ADGB: variants seen among roughly 807,000 people sequenced by gnomAD.
ADGB encodes calpain-7-like protein.
Under a neutral mutation model 210.5 loss-of-function variants are expected in ADGB, and 172 were observed. That is an observed-to-expected ratio of 0.82 (90% CI 0.72 to 0.93). The LOEUF is 0.93. ADGB is among the 40% of genes least tolerant of loss of function. The probability of loss-of-function intolerance (pLI) is 0.00; values close to 1 mark genes in which losing one functional copy is unlikely to be tolerated. For synonymous variants in ADGB, 658 were observed against 662.7 expected, an observed-to-expected ratio of 0.99 and a Z score of 0.11; for missense variants, 2,025 against 1,964.8, an observed-to-expected ratio of 1.03 and a Z score of -0.58.
At chr6:146,814,488 CA>C (rs1226026921) in intron 35 of ADGB, among the ~76,000 whole-genome samples, 1 of 152,124 alleles carries the variant, frequency 6.6e-6, no homozygotes, top group Non-Finnish European at 1.5e-5. Flanking sequence ...ATAAGAACAA[CA>C]AATGATCCAG....
At position 146,686,505 on chromosome 6, in the gene ADGB, A is replaced by G. The variant is rs187692425; in HGVS notation, c.1311+677A>G. On this transcript the variant is annotated intron_variant, in intron 10 of 35. Transcript: ENST00000397944. The stretch of plus-strand genomic sequence containing the variant: ...ATCACACTTTATGTTACATTTGAAA[A>G]CCATCTTTTCACTTCACAAGATATT... Among the ~76,000 whole-genome samples, 326 of 152,058 alleles carry G rather than the reference A, an allele frequency of 2.1e-3. 1 individual carries two copies. The highest frequency in any genetic ancestry group is 7.4e-3 in the African/African-American group (306 of 41,526).
At chr6:146,786,295 C>T (rs1388015010) in intron 32 of ADGB, among the ~76,000 whole-genome samples, 1 of 151,222 alleles carries the variant, frequency 6.6e-6, no homozygotes, top group Non-Finnish European at 1.5e-5. Flanking sequence ...GGGCCAGAGA[C>T]AGAATTGGCC....
intron 28 of ADGB, among the ~76,000 whole-genome samples, chr6:146,768,083 C>T (rs560458737): frequency 6.6e-6 from 1 of 152,184 alleles, no homozygotes; most frequent in South Asian, 2.1e-4. Context: ...AGAAAGTAAC[C>T]CAATCCACTG....
chr6:146,644,849 A>G lies in ADGB; in HGVS notation c.314A>G (p.Asp105Gly), dbSNP rs542505370. The G allele has an allele frequency of 2.7e-6, 4 of 1,487,430 alleles. No individual in the cohort carries two copies. Among genetic ancestry groups the G allele is most frequent in the African/African-American group, 1.4e-5 (1 of 70,806 alleles). The allele number at this position is 1,487,430 out of a possible 1,614,324, so 92.1% of individuals were successfully genotyped here. A position where few individuals can be genotyped will look rare whatever the true frequency, so the allele number is the denominator to read the frequency against. Residue 105 changes from aspartate to glycine, a missense_variant, in exon 3 of 36, where the codon GAT becomes GGT. Physicochemically the swap from Asp to Gly is moderately conservative, Grantham distance 94. Transcript: ENST00000397944. ...ATTTATTCCTGGAAACGTCCACAAGATATTTTATTTAGTCAGGTAAGAAAG... is the reference window on the plus strand; with the variant it reads ...ATTTATTCCTGGAAACGTCCACAAGGTATTTTATTTAGTCAGGTAAGAAAG... ...LKIYSWKRPQ[D>G]ILFSQTPVVV...
intron 35 of ADGB, among the ~76,000 whole-genome samples, chr6:146,804,083 TAGA>T (rs1175721190): frequency 6.6e-6 from 1 of 152,124 alleles, no homozygotes; most frequent in Non-Finnish European, 1.5e-5. Flanking sequence ...TTCACCCCAG[TAGA>T]AGAATAGGTG....
At chr6:146,637,441 C>G (rs1262688701) in intron 2 of ADGB, among the ~76,000 whole-genome samples, 1 of 151,972 alleles carries the variant, frequency 6.6e-6, no homozygotes, top group Non-Finnish European at 1.5e-5. Context: ...GAAGGATAAG[C>G]TACGGAGCAA....
chr6:146,606,443 T>G (rs898992001), intron 1 of ADGB, among the ~76,000 whole-genome samples: 1 of 152,234 alleles, frequency 6.6e-6, no homozygotes, highest in Non-Finnish European at 1.5e-5. Context: ...CAATTGCTTT[T>G]GGAGCCTTCA....
At chr6:146,696,668 A>G (rs866812023) in intron 12 of ADGB, among the ~76,000 whole-genome samples, 6 of 152,276 alleles carry the variant, frequency 3.9e-5, no homozygotes, top group Middle Eastern at 6.8e-3. Context: ...TCTCTTTCAC[A>G]TTGTTTGTTT....
At chr6:146,719,953 G>T (rs1470062157) in intron 16 of ADGB, among the ~76,000 whole-genome samples, 1 of 152,176 alleles carries the variant, frequency 6.6e-6, no homozygotes, top group East Asian at 1.9e-4. Context: ...TTTAAGTCAT[G>T]ATTGCATTGT....
chr6:146,811,441 TTATA>T (rs3065940), intron 35 of ADGB, among the ~76,000 whole-genome samples: 12 of 150,104 alleles, frequency 8.0e-5, no homozygotes, highest in African/African-American at 2.7e-4. Context: ...CTTTGTGTGT[TTATA>T]TATATATATA....
chr6:146,605,129 G>A (rs1325764113), intron 1 of ADGB, among the ~76,000 whole-genome samples: 1 of 152,100 alleles, frequency 6.6e-6, no homozygotes. Context: ...AATACAAATG[G>A]TTTCAAATAT....
At chr6:146,719,071 T>C (rs1776777420) in intron 16 of ADGB, among the ~76,000 whole-genome samples, 1 of 152,242 alleles carries the variant, frequency 6.6e-6, no homozygotes. Context: ...TTATAGATGT[T>C]GCAGGCCCTT....
chr6:146,726,128 C>T lies in ADGB; in HGVS notation c.2283C>T (p.Ser761=). 1 of 1,549,848 alleles carries T rather than the reference C, an allele frequency of 6.5e-7. No individual in the cohort carries two copies. The highest frequency in any genetic ancestry group is 8.7e-7 in the Non-Finnish European group (1 of 1,145,148). The change falls in exon 19 of 36, where the codon TCC becomes TCT. Residue 761 remains serine, a synonymous_variant. Transcript: ENST00000397944. ...LFNAYSPVGH[S]IHICSMVSFV... is the part of the protein sequence containing the mutation. ...ACGCATACTCCCCAGTAGGACACTC[C>T]ATACACATCTGCAGCATGGTGTCAT... is the stretch of plus-strand genomic sequence containing the variant.
Position 146,650,597 on chromosome 6 carries a change from C to CAAAAAAA in ADGB, c.331-3507_331-3501dup, listed in dbSNP as rs57913607. Among the ~76,000 whole-genome samples, 22 of 36,560 alleles carry CAAAAAAA rather than the reference C, an allele frequency of 6.0e-4. 3 individuals are homozygous for CAAAAAAA. The highest frequency in any genetic ancestry group is 2.1e-3 in the African/African-American group (16 of 7,446). 24.0% of individuals were successfully genotyped at this position (36,560 alleles called of 152,430 possible). On this transcript the variant is annotated intron_variant, in intron 3 of 35. Coordinates refer to ENST00000397944, the MANE Select transcript of ADGB (RefSeq NM_024694.4). ...ATAAATACTCCTGAGTCCCTCCCAC[C>CAAAAAAA]AAAAAAAAAAAAAAAAAAAAAAAAA...
intron 14 of ADGB, among the ~76,000 whole-genome samples, chr6:146,716,578 C>T (rs894778155): frequency 7.4e-5 from 7 of 94,628 alleles, no homozygotes; most frequent in Non-Finnish European, 1.2e-4. Context: ...CCCACCTGGG[C>T]GACAGAGCGA....
intron 13 of ADGB, among the ~76,000 whole-genome samples, chr6:146,712,723 A>G (rs930143034): frequency 3.3e-5 from 5 of 151,878 alleles, no homozygotes; most frequent in Admixed American, 3.3e-4. Flanking sequence ...TAATATATTT[A>G]TCCTTATTTT....
chr6:146,772,296 CAT>C (rs1193075957), intron 29 of ADGB, among the ~76,000 whole-genome samples: 1 of 151,588 alleles, frequency 6.6e-6, no homozygotes, highest in African/African-American at 2.4e-5. Context: ...AATAGCATCA[CAT>C]AGTACAATGC....
chr6:146,676,557 A>G, intron 9 of ADGB, 116 bp downstream of exon 9: 1 of 1,031,276 alleles, frequency 9.7e-7, no homozygotes, highest in Non-Finnish European at 1.3e-6. Context: ...AACTTAGTCA[A>G]GGTTGCCATA....
chr6:146,772,665 A>C lies in ADGB; in HGVS notation c.3862+3534A>C, dbSNP rs1379222605. Reference sequence around the variant, plus strand: ...GAAATATATTTGCCTAAATTTATTTATTATATATAAAACAATATATACATA... The same window carrying C: ...GAAATATATTTGCCTAAATTTATTTCTTATATATAAAACAATATATACATA... On this transcript the variant is annotated intron_variant, in intron 29 of 35. Transcript: ENST00000397944. Among the ~76,000 whole-genome samples the C allele has an allele frequency of 2.7e-5, 4 of 148,176 alleles. No individual in the cohort carries two copies. In the East Asian group the frequency reaches 7.8e-4, roughly 29 times the overall value.
Sources: gnomAD v4.1 joint callset for allele counts (sites outside exome capture counted in the v4.1 genomes callset) on GRCh38, gnomAD v4.1.1 for gene constraint, MANE v1.5 for transcripts, NCBI Gene and HGNC (gene_info 2026-07-23, HGNC 2026-07-21) for gene names.